SPPL3: variants seen among roughly 807,000 people sequenced by gnomAD.
SPPL3 encodes the protein signal peptide peptidase like 3, also known as signal peptide peptidase-like 3.
In SPPL3, 5 loss-of-function variants were observed where a neutral mutation model predicts 42.4. The ratio of observed to expected loss-of-function variants is 0.12; its 90% confidence interval spans 0.06 to 0.25. The LOEUF (loss-of-function observed/expected upper bound fraction) is 0.25. Among genes scored for constraint, SPPL3 ranks in the 10% least tolerant of loss-of-function variants. The probability of loss-of-function intolerance (pLI) is 1.00; values close to 1 mark genes in which losing one functional copy is unlikely to be tolerated. For missense variants in SPPL3, 235 were observed against 489.0 expected, an observed-to-expected ratio of 0.48 and a Z score of 4.90; for synonymous variants, 195 against 181.8, an observed-to-expected ratio of 1.07 and a Z score of -0.58.
At chr12:120,874,255 C>T (rs1484432758) in intron 1 of SPPL3, among the ~76,000 whole-genome samples, 2 of 151,868 alleles carry the variant, frequency 1.3e-5, no homozygotes, top group Admixed American at 1.3e-4. Flanking sequence ...GAGATCGAGA[C>T]CAACCTGGCC....
At chr12:120,836,484 A>AC (rs763481416) in intron 1 of SPPL3, among the ~76,000 whole-genome samples, 37 of 152,278 alleles carry the variant, frequency 2.4e-4, no homozygotes, top group Admixed American at 6.5e-4. Flanking sequence ...TGTGAATGAG[A>AC]CCATCCTGAT....
At chr12:120,878,145 T>C (rs1418349968) in intron 1 of SPPL3, among the ~76,000 whole-genome samples, 1 of 151,768 alleles carries the variant, frequency 6.6e-6, no homozygotes, top group Non-Finnish European at 1.5e-5. Flanking sequence ...AGGAAAAAAA[T>C]GAAATATCTT....
intron 1 of SPPL3, among the ~76,000 whole-genome samples, chr12:120,864,243 G>A (rs1268295260): frequency 6.6e-6 from 1 of 152,078 alleles, no homozygotes; most frequent in Non-Finnish European, 1.5e-5. Flanking sequence ...TTAAATACTG[G>A]GAAGTTGTAG....
rs762527649 is a variant in SPPL3, at chr12:120,810,885, C to T, written c.25G>A (p.Ala9Thr). Residue 9 changes from alanine to threonine, a missense_variant and splice_region_variant, in exon 2 of 11, where the codon GCC becomes ACC. By Grantham distance (58) the Ala-to-Thr change is moderately conservative. Around this residue, in one of 6 missense-constraint regions of SPPL3, gnomAD observed 110 missense variants for 186.2 expected, o/e 0.59. Coordinates refer to ENST00000353487, the MANE Select transcript of SPPL3 (RefSeq NM_139015.5). MAEQTYSW[A>T]YSLVDSSQVS... ...TGACTGGAATCCACCAGGGAATAGG[C>T]CCTAGAGAAATAAGAGGAAAAAAAT... The T allele has an allele frequency of 9.3e-6, 15 of 1,611,858 alleles. No homozygotes were observed. The highest frequency in any genetic ancestry group is 5.3e-5 in the African/African-American group (4 of 74,812).
chr12:120,850,098 G>A (rs1337291668), intron 1 of SPPL3, among the ~76,000 whole-genome samples: 5 of 152,184 alleles, frequency 3.3e-5, no homozygotes, highest in African/African-American at 4.8e-5. Flanking sequence ...TAGGCTTGGA[G>A]AAACTGTTCT....
intron 2 of SPPL3, among the ~76,000 whole-genome samples, chr12:120,793,949 T>C (rs1870012051): frequency 6.6e-6 from 1 of 152,268 alleles, no homozygotes; most frequent in African/African-American, 2.4e-5. Flanking sequence ...AAATCCACTG[T>C]ATCTTCACTG....
intron 2 of SPPL3, among the ~76,000 whole-genome samples, chr12:120,808,086 C>CTTT (rs63135760): frequency 1.5e-4 from 20 of 132,816 alleles, no homozygotes; most frequent in Admixed American, 5.2e-4. Context: ...AGTTTCTTTT[C>CTTT]TTTTTTTTTT....
At chr12:120,829,068 AAT>A (rs1224528890) in intron 1 of SPPL3, among the ~76,000 whole-genome samples, 1 of 152,216 alleles carries the variant, frequency 6.6e-6, no homozygotes, top group Non-Finnish European at 1.5e-5. Flanking sequence ...CCAGACTAGG[AAT>A]AGTCTTTTCA....
At chr12:120,873,758 G>C (rs973786687) in intron 1 of SPPL3, among the ~76,000 whole-genome samples, 1 of 152,038 alleles carries the variant, frequency 6.6e-6, no homozygotes, top group Admixed American at 6.6e-5. Flanking sequence ...TGTAATCCCA[G>C]CTACTCAGGA....
chr12:120,830,567 G>GAA (rs1292129681), intron 1 of SPPL3, among the ~76,000 whole-genome samples: 1 of 44,738 alleles, frequency 2.2e-5, no homozygotes, highest in Non-Finnish European at 5.1e-5. Context: ...GGAGGGGTGG[G>GAA]GGAGGGGGGG....
chr12:120,875,966 A>G (rs1338729507), intron 1 of SPPL3, among the ~76,000 whole-genome samples: 1 of 152,112 alleles, frequency 6.6e-6, no homozygotes, highest in Non-Finnish European at 1.5e-5. Context: ...TGGAACAAGG[A>G]ATATTAGGAG....
chr12:120,800,882 C>T (rs484456), intron 2 of SPPL3, among the ~76,000 whole-genome samples: 121,301 of 152,212 alleles, frequency 0.8, 48,932 homozygotes, highest in African/African-American at 0.91. Flanking sequence ...TCAGGCACTG[C>T]TAGGTGCTTT....
chr12:120,781,598 G>C (rs1869549394), intron 6 of SPPL3, among the ~76,000 whole-genome samples: 1 of 79,726 alleles, frequency 1.3e-5, no homozygotes, highest in Non-Finnish European at 2.1e-5. Flanking sequence ...TTTTGAGACG[G>C]AGTCTTGCTC....
At chr12:120,832,791 G>A (rs568420487) in intron 1 of SPPL3, among the ~76,000 whole-genome samples, 1 of 152,262 alleles carries the variant, frequency 6.6e-6, no homozygotes, top group East Asian at 1.9e-4. Context: ...ATACCATATA[G>A]GAGGCCTGTT....
rs71076677 is a variant in SPPL3, at chr12:120,876,808, TACACACACAC to T, written c.23+27027_23+27036del. The stretch of plus-strand genomic sequence containing the variant: ...CTAAGCTTCTACCTTGAGAAACACA[TACACACACAC>T]ACACACACACACACACACACACACA... On this transcript the variant is annotated intron_variant, in intron 1 of 10. Transcript: ENST00000353487. Among the ~76,000 whole-genome samples, 63 of 146,694 alleles carry T rather than the reference TACACACACAC, an allele frequency of 4.3e-4. 1 individual carries two copies. The highest frequency in any genetic ancestry group is 6.0e-4 in the East Asian group (3 of 5,008).
intron 5 of SPPL3, among the ~76,000 whole-genome samples, chr12:120,783,301 A>G (rs113212413): frequency 1.2e-4 from 19 of 152,342 alleles, no homozygotes; most frequent in African/African-American, 4.6e-4. Flanking sequence ...TAGGTAGCAT[A>G]TCTAGGCCAC....
At chr12:120,793,261 GCA>G (rs1869982101) in intron 2 of SPPL3, among the ~76,000 whole-genome samples, 1 of 152,218 alleles carries the variant, frequency 6.6e-6, no homozygotes, top group African/African-American at 2.4e-5. Context: ...TGGAATCCCA[GCA>G]CTTTGAGAGG....
At chr12:120,884,669 CT>C (rs1873394393) in intron 1 of SPPL3, among the ~76,000 whole-genome samples, 1 of 150,844 alleles carries the variant, frequency 6.6e-6, no homozygotes, top group African/African-American at 2.4e-5. Flanking sequence ...TTTTTCTATT[CT>C]TTTTGTGTTT....
chr12:120,772,246 T>G (rs1279497268), intron 6 of SPPL3, among the ~76,000 whole-genome samples: 2 of 152,162 alleles, frequency 1.3e-5, no homozygotes, highest in Non-Finnish European at 2.9e-5. Context: ...GGTCTCAAAC[T>G]CCTGACCTCA....
Sources: gnomAD v4.1 joint callset for allele counts (sites outside exome capture counted in the v4.1 genomes callset) on GRCh38, gnomAD v4.1.1 for gene constraint, gnomAD v4.1.1 regional missense constraint, MANE v1.5 for transcripts, NCBI Gene and HGNC (gene_info 2026-07-23, HGNC 2026-07-21) for gene names.